The following TUBA3C variants were observed in gnomAD, a reference collection of about 807,000 sequenced individuals.
TUBA3C encodes the protein tubulin alpha-3C chain.
Under a neutral mutation model 33.4 loss-of-function variants are expected in TUBA3C, and 23 were observed. The observed-to-expected ratio is 0.69, with a 90% CI of 0.50 to 0.98. TUBA3C has a LOEUF of 0.98. Ranked by LOEUF, TUBA3C falls within the 50% of genes least tolerant of loss-of-function variation. The probability of loss-of-function intolerance (pLI) is 0.00; values close to 1 mark genes in which losing one functional copy is unlikely to be tolerated. For synonymous variants in TUBA3C, 269 were observed against 250.4 expected, an observed-to-expected ratio of 1.07 and a Z score of -0.70; for missense variants, 402 against 616.0, an observed-to-expected ratio of 0.65 and a Z score of 3.68.
intron 1 of TUBA3C, among the ~76,000 whole-genome samples, chr13:19,180,672 T>A (rs1239508797): frequency 6.6e-6 from 1 of 152,012 alleles, no homozygotes; most frequent in Non-Finnish European, 1.5e-5. Flanking sequence ...ATTTTTTGTA[T>A]TTTTAGTAGA....
chr13:19,174,144 G>A lies in TUBA3C; in HGVS notation c.1072C>T (p.Gln358Ter), dbSNP rs986664879. The A allele has an allele frequency of 3.7e-6, 6 of 1,611,278 alleles. No individual in the cohort carries two copies. The highest frequency in any genetic ancestry group is 4.2e-6 in the Non-Finnish European group (5 of 1,178,110). Reference sequence around the variant, plus strand: ...CCCCCAGGGACCACCGTGGGGGGCTGGTAGTTAATGCCCACCTGCCGGAGA... The same window carrying A: ...CCCCCAGGGACCACCGTGGGGGGCTAGTAGTTAATGCCCACCTGCCGGAGA... ...PTGFKVGINY[Q>*]PPTVVPGGDL... Residue 358 changes from glutamine to a stop codon, truncating the protein, a stop_gained, in exon 5 of 5, where the codon CAG becomes TAG. Coordinates refer to ENST00000400113, the MANE Select transcript of TUBA3C (RefSeq NM_006001.3). LOFTEE classifies it high-confidence loss of function.
Position 19,178,398 on chromosome 13 carries a change from C to G in TUBA3C, c.227-4G>C. The G allele has an allele frequency of 6.2e-7, 1 of 1,614,090 alleles. No individual in the cohort carries two copies. The highest frequency in any genetic ancestry group is 8.5e-7 in the Non-Finnish European group (1 of 1,179,986). On this transcript the variant is annotated splice_polypyrimidine_tract_variant and splice_region_variant and intron_variant, in intron 2 of 4. Coordinates refer to ENST00000400113, the MANE Select transcript of TUBA3C (RefSeq NM_006001.3). ...TAGGTTCCTGTGCGCACTTCATCTA[C>G]AAAAGAGACCGTATGTACTGTGAAT...
intron 4 of TUBA3C, among the ~76,000 whole-genome samples, chr13:19,174,970 C>T (rs9507561): frequency 0.042 from 6,319 of 152,032 alleles, 159 homozygotes; most frequent in Middle Eastern, 0.068. Flanking sequence ...ATTAAAAGGC[C>T]GGGCACGGTG....
At chr13:19,176,150 G>A (rs1869171200) in intron 4 of TUBA3C, among the ~76,000 whole-genome samples, 1 of 151,982 alleles carries the variant, frequency 6.6e-6, no homozygotes, top group South Asian at 2.1e-4. Flanking sequence ...TGAGCACAGT[G>A]GCTCATGCCC....
rs748370652 is a variant in TUBA3C at position 19,179,326 on chromosome 13, G to T, written c.226+15C>A. 6.2e-7 allele frequency: 1 copy of T among 1,613,606 alleles called. No individual in the cohort carries two copies. On this transcript the variant is annotated intron_variant, in intron 2 of 4. Transcript: ENST00000400113. ...CCCTCCTAAGAAAGCTGCCATCCAG[G>T]ACCCGAGCACCTACCGACCACAGTG...
intron 1 of TUBA3C, among the ~76,000 whole-genome samples, chr13:19,179,802 C>T (rs1398206587): frequency 6.6e-6 from 1 of 152,138 alleles, no homozygotes. Flanking sequence ...TTTGCCACTA[C>T]ACAAAAATTA....
intron 1 of TUBA3C, among the ~76,000 whole-genome samples, chr13:19,181,361 C>G (rs1281018211): frequency 6.6e-6 from 1 of 152,184 alleles, no homozygotes; most frequent in Admixed American, 6.5e-5. Context: ...TTGCCTCCAT[C>G]AACAAGGCTC....
rs764167566 is a variant in TUBA3C, at chr13:19,174,255, CAGG to C, written c.1057-99_1057-97del. On this transcript the variant is annotated intron_variant, in intron 4 of 4. Coordinates refer to ENST00000400113, the MANE Select transcript of TUBA3C (RefSeq NM_006001.3). ...AAAAAGAAGACACCCTGTAGGTGAA[CAGG>C]AGAATTCTCAGTTCACCCCACAAAT... 424 of 1,467,070 alleles carry C rather than the reference CAGG, an allele frequency of 2.9e-4. 2 individuals are homozygous for C. Among genetic ancestry groups the C allele is most frequent in the Admixed American group, 2.8e-4 (11 of 39,982 alleles). 90.9% of individuals were successfully genotyped at this position (1,467,070 alleles called of 1,614,324 possible). A position where few individuals can be genotyped will look rare whatever the true frequency, so the allele number is the denominator to read the frequency against.
rs186309155 is a variant in TUBA3C at position 19,181,810 on chromosome 13, C to A, written c.-63G>T. Reference sequence around the variant, plus strand: ...TTGACCTCAACCGCCGCTGCAGCTGCGCACGCCCAACGACAGCCTCCCGCC... The same window carrying A: ...TTGACCTCAACCGCCGCTGCAGCTGAGCACGCCCAACGACAGCCTCCCGCC... On this transcript the variant is annotated 5_prime_UTR_variant, in exon 1 of 5. Transcript: ENST00000400113. The A allele has an allele frequency of 3.1e-3, 4,999 of 1,591,922 alleles. 12 individuals are homozygous for A. The highest frequency in any genetic ancestry group is 4.0e-3 in the Non-Finnish European group (4,706 of 1,173,936).
At chr13:19,179,176 C>T (rs1344768090) in intron 2 of TUBA3C, among the ~76,000 whole-genome samples, 165 bp downstream of exon 2, 1 of 152,208 alleles carries the variant, frequency 6.6e-6, no homozygotes, top group East Asian at 1.9e-4. Flanking sequence ...CCGAATCTCA[C>T]AGACACTTTA....
chr13:19,176,751 A>AAAAAAAAAAAAAAAAAAAC (rs1161219104), intron 4 of TUBA3C, among the ~76,000 whole-genome samples, 176 bp downstream of exon 4: 1 of 141,768 alleles, frequency 7.1e-6, no homozygotes, highest in Non-Finnish European at 1.5e-5. Context: ...AAAAAAAAAA[A>AAAAAAAAAAAAAAAAAAAC]AAAAAAAAGA....
At chr13:19,180,833 C>G (rs1869388613) in intron 1 of TUBA3C, among the ~76,000 whole-genome samples, 1 of 151,758 alleles carries the variant, frequency 6.6e-6, no homozygotes, top group African/African-American at 2.4e-5. Flanking sequence ...CAGCACACAC[C>G]TGTAGTCCCA....
intron 4 of TUBA3C, 29 bp from the exon 5 acceptor site, chr13:19,174,188 T>C (rs763217378): frequency 1.9e-5 from 30 of 1,588,804 alleles, no homozygotes; most frequent in Non-Finnish European, 2.6e-5. Flanking sequence ...AAACAGTCCA[T>C]GAAGCTTATA....
intron 1 of TUBA3C, among the ~76,000 whole-genome samples, chr13:19,181,056 C>CTT (rs917256778): frequency 4.3e-5 from 6 of 139,990 alleles, no homozygotes; most frequent in East Asian, 2.1e-4. Context: ...GCGTTGGTTG[C>CTT]TTTTTTTTTT....
At chr13:19,181,132 G>A (rs143145839) in intron 1 of TUBA3C, among the ~76,000 whole-genome samples, 9 of 150,770 alleles carry the variant, frequency 6.0e-5, no homozygotes, top group South Asian at 4.2e-4. Context: ...GACTCACTGC[G>A]GCCTCGAAGT....
In TUBA3C at chr13:19,177,542, A is replaced by G; in HGVS notation, c.441T>C (p.Ser147=). ...GCTCCATGAGCAGAGATGCGAACCC[A>G]GAGCCAGTGCCACCCCCAAAACTGT... is the stretch of plus-strand genomic sequence containing the variant. ...IFHSFGGGTG[S]GFASLLMERL... Residue 147 remains serine (S), a synonymous_variant, in exon 4 of 5, where the codon TCT becomes TCC. Transcript: ENST00000400113. This position sits in a 1 kb window ranked among gnomAD's most constrained non-coding sequence, Gnocchi z 5.0. The G allele has an allele frequency of 6.2e-7, 1 of 1,613,516 alleles. No individual in the cohort carries two copies. The highest frequency in any genetic ancestry group is 2.2e-5 in the East Asian group (1 of 44,836).
Position 19,173,841 on chromosome 13 carries a change from G to A in TUBA3C, c.*22C>T. The A allele has an allele frequency of 6.2e-7, 1 of 1,600,404 alleles. No homozygotes were observed. Among genetic ancestry groups the A allele is most frequent in the Non-Finnish European group, 8.5e-7 (1 of 1,172,364 alleles). On this transcript the variant is annotated 3_prime_UTR_variant, in exon 5 of 5. Coordinates refer to ENST00000400113, the MANE Select transcript of TUBA3C (RefSeq NM_006001.3). ...CCACGCTGGGGGTGGCAGTGGAGTG[G>A]AGAACCCACCACACCCTCCCCTCAG...
At chr13:19,174,906 G>A (rs545668268) in intron 4 of TUBA3C, among the ~76,000 whole-genome samples, 3 of 152,162 alleles carry the variant, frequency 2.0e-5, no homozygotes, top group South Asian at 4.2e-4. Context: ...AGGTTCCAAT[G>A]AGCTGAGATC....
At chr13:19,180,520 T>A (rs1449189662) in intron 1 of TUBA3C, among the ~76,000 whole-genome samples, 2 of 150,298 alleles carry the variant, frequency 1.3e-5, no homozygotes, top group African/African-American at 5.0e-5. Context: ...TTTTTTTTTT[T>A]AAACAGAGTC....
Sources: allele counts gnomAD v4.1 joint callset (sites outside exome capture counted in the v4.1 genomes callset), GRCh38; gene constraint gnomAD v4.1.1; non-coding constraint Gnocchi (gnomAD v3.1); transcripts MANE v1.5; gene names NCBI Gene and HGNC (gene_info 2026-07-23, HGNC 2026-07-21).